The following PRKG1 variants were observed in gnomAD, a reference collection of about 807,000 sequenced individuals.
The protein encoded by PRKG1 is protein kinase cGMP-dependent 1.
PRKG1 carries 35 observed loss-of-function variants against 88.1 expected under a neutral mutation model. That is an observed-to-expected ratio of 0.40 (90% CI 0.30 to 0.53). The LOEUF (loss-of-function observed/expected upper bound fraction) is 0.53, where lower values mean the gene tolerates loss of function less well. Ranked by LOEUF, PRKG1 falls within the 20% of genes least tolerant of loss-of-function variation. The pLI is 0.59. For missense variants in PRKG1, 540 were observed against 839.8 expected, an observed-to-expected ratio of 0.64 and a Z score of 4.41; for synonymous variants, 303 against 292.5, an observed-to-expected ratio of 1.04 and a Z score of -0.37.
intron 1 of PRKG1, among the ~76,000 whole-genome samples, chr10:51,088,114 C>A (rs967199257): frequency 6.6e-6 from 1 of 152,182 alleles, no homozygotes; most frequent in Admixed American, 6.5e-5. Context: ...TAAAGCATTT[C>A]TAGCTGATTC....
At chr10:51,420,393 T>C (rs1278572355) in intron 2 of PRKG1, among the ~76,000 whole-genome samples, 2 of 152,190 alleles carry the variant, frequency 1.3e-5, no homozygotes, top group Non-Finnish European at 2.9e-5. Flanking sequence ...TCCAGATTTC[T>C]TATTTCTAGC....
intron 2 of PRKG1, among the ~76,000 whole-genome samples, chr10:51,214,742 G>T (rs1838325783): frequency 6.6e-6 from 1 of 152,092 alleles, no homozygotes; most frequent in Non-Finnish European, 1.5e-5. Flanking sequence ...CTGCCAAAGT[G>T]CTGGGATTAC....
chr10:51,738,495 G>A (rs1343836914), intron 3 of PRKG1, among the ~76,000 whole-genome samples: 1 of 152,306 alleles, frequency 6.6e-6, no homozygotes, highest in African/African-American at 2.4e-5. Context: ...AATGAAATGT[G>A]TGGCACAATA....
intron 3 of PRKG1, chr10:51,696,317 C>CAGA (rs1408398591): frequency 6.6e-6 from 1 of 152,012 alleles, no homozygotes; most frequent in African/African-American, 2.4e-5. Flanking sequence ...ATAAGAAAGC[C>CAGA]AGATACCAAG....
At chr10:51,111,883 T>C (rs1447742423) in intron 1 of PRKG1, among the ~76,000 whole-genome samples, 1 of 152,148 alleles carries the variant, frequency 6.6e-6, no homozygotes, top group African/African-American at 2.4e-5. Flanking sequence ...TCTAAAGATC[T>C]TTCTTATAAA....
intron 3 of PRKG1, 85 bp from the exon 4 acceptor site, chr10:51,804,500 G>T: frequency 2.3e-6 from 2 of 861,334 alleles, no homozygotes; most frequent in Non-Finnish European, 3.8e-6. Context: ...CTCATGAATA[G>T]CTCATCTCCT....
At chr10:51,238,076 C>T (rs983424857) in intron 2 of PRKG1, among the ~76,000 whole-genome samples, 1 of 152,074 alleles carries the variant, frequency 6.6e-6, no homozygotes, top group Non-Finnish European at 1.5e-5. Flanking sequence ...AAAATTGAAT[C>T]TACTATTAAT....
intron 5 of PRKG1, among the ~76,000 whole-genome samples, chr10:52,012,245 CTT>C (rs34119029): frequency 0.28 from 39,460 of 138,950 alleles, 5,266 homozygotes; most frequent in Non-Finnish European, 0.32. Flanking sequence ...ATTTATTTGC[CTT>C]TTTTTTTTTT....
chr10:51,128,854 C>T (rs1845496098), intron 1 of PRKG1, among the ~76,000 whole-genome samples: 1 of 152,108 alleles, frequency 6.6e-6, no homozygotes, highest in Non-Finnish European at 1.5e-5. Flanking sequence ...CATTAATAAC[C>T]ATCGATTTGG....
chr10:51,422,945 A>G (rs915066699), intron 2 of PRKG1, among the ~76,000 whole-genome samples: 1 of 147,372 alleles, frequency 6.8e-6, no homozygotes, highest in African/African-American at 2.5e-5. Flanking sequence ...ACAGCACTTG[A>G]TCTCCATTGA....
In PRKG1 at chr10:51,341,926, G is replaced by A. The variant is rs543610060; in HGVS notation, c.479-125797G>A. ...TTTGTAAAACCATCAGATCTTGTGA[G>A]ACTTATTCACTACCATGAGGACAGT... On this transcript the variant is annotated intron_variant, in intron 2 of 17. Transcript: ENST00000373980. Among the ~76,000 whole-genome samples the A allele has an allele frequency of 1.9e-3, 283 of 152,258 alleles. 2 individuals are homozygous for A. Among genetic ancestry groups the A allele is most frequent in the African/African-American group, 6.5e-3 (272 of 41,540 alleles).
chr10:51,152,795 A>G (rs1048738846), intron 1 of PRKG1, among the ~76,000 whole-genome samples: 11 of 151,928 alleles, frequency 7.2e-5, no homozygotes, highest in African/African-American at 2.4e-4. Flanking sequence ...TTGAAATTTT[A>G]TTCATGTTTA....
chr10:51,181,571 G>A (rs1378777969), intron 2 of PRKG1, among the ~76,000 whole-genome samples: 3 of 152,082 alleles, frequency 2.0e-5, no homozygotes, highest in East Asian at 3.9e-4. Flanking sequence ...TATTTTCCTG[G>A]GAGTTTTTCT....
At chr10:52,068,853 T>C (rs1028068866) in intron 7 of PRKG1, among the ~76,000 whole-genome samples, 1 of 152,228 alleles carries the variant, frequency 6.6e-6, no homozygotes, top group African/African-American at 2.4e-5. Context: ...AGGTGATCTT[T>C]AAGTTTCGTT....
At chr10:52,218,210 C>CA (rs35778588) in intron 9 of PRKG1, among the ~76,000 whole-genome samples, 37,329 of 94,808 alleles carry the variant, frequency 0.39, 6,233 homozygotes, top group South Asian at 0.49. Context: ...GACTCCATCT[C>CA]AAAAAAAAAA....
intron 1 of PRKG1, among the ~76,000 whole-genome samples, chr10:51,031,432 C>A (rs761526663): frequency 6.6e-6 from 1 of 152,122 alleles, no homozygotes; most frequent in Non-Finnish European, 1.5e-5. Flanking sequence ...GGCAGCTTCT[C>A]AACAAATGCT....
intron 3 of PRKG1, among the ~76,000 whole-genome samples, chr10:51,745,816 C>T (rs1044842190): frequency 1.3e-5 from 2 of 152,122 alleles, no homozygotes; most frequent in East Asian, 1.9e-4. Context: ...TGAGACCAGC[C>T]TGGCCAACAG....
chr10:51,499,075 GT>G (rs1236975685), intron 3 of PRKG1, among the ~76,000 whole-genome samples: 1 of 152,142 alleles, frequency 6.6e-6, no homozygotes, highest in Non-Finnish European at 1.5e-5. Flanking sequence ...TGAAACAACA[GT>G]TTTGCATACT....
intron 2 of PRKG1, among the ~76,000 whole-genome samples, chr10:51,235,330 C>T (rs142787103): frequency 1.2e-3 from 187 of 152,154 alleles, no homozygotes; most frequent in African/African-American, 4.3e-3. Context: ...TTTCTTTCAC[C>T]AAATATTTAT....
Sources: allele counts gnomAD v4.1 joint callset (sites outside exome capture counted in the v4.1 genomes callset), GRCh38; gene constraint gnomAD v4.1.1; transcripts MANE v1.5; gene names NCBI Gene and HGNC (gene_info 2026-07-23, HGNC 2026-07-21).